The following SCFD1 variants were observed in gnomAD, a reference collection of about 807,000 sequenced individuals.
SCFD1 encodes the protein sec1 family domain-containing protein 1.
In SCFD1, 37 loss-of-function variants were observed where a neutral mutation model predicts 103.2. The observed-to-expected ratio is 0.36, with a 90% CI of 0.28 to 0.47. SCFD1 has a LOEUF of 0.47. Ranked by LOEUF, SCFD1 falls within the 20% of genes least tolerant of loss-of-function variation. The pLI, the probability that SCFD1 is intolerant of heterozygous loss-of-function variation, is 1.00. For missense variants in SCFD1, 639 were observed against 761.2 expected, an observed-to-expected ratio of 0.84 and a Z score of 1.89; for synonymous variants, 264 against 245.0, an observed-to-expected ratio of 1.08 and a Z score of -0.73.
chr14:30,637,296 A>G (rs919397388), intron 4 of SCFD1, among the ~76,000 whole-genome samples: 8 of 152,042 alleles, frequency 5.3e-5, no homozygotes, highest in Non-Finnish European at 8.8e-5. Flanking sequence ...TCTCTTTACA[A>G]ATTTGTAACT....
intron 14 of SCFD1, among the ~76,000 whole-genome samples, chr14:30,678,582 G>C (rs1340085249): frequency 6.6e-6 from 1 of 152,064 alleles, no homozygotes; most frequent in African/African-American, 2.4e-5. Flanking sequence ...TACATAATTT[G>C]TAGACAGCCT....
chr14:30,630,852 CT>C (rs1401304809), intron 3 of SCFD1: 5 of 292,896 alleles, frequency 1.7e-5, no homozygotes, highest in Non-Finnish European at 3.1e-5. Context: ...TGTTTTGTTC[CT>C]TTAATTTAAA....
chr14:30,716,581 G>A (rs73254560), intron 20 of SCFD1, among the ~76,000 whole-genome samples: 5,594 of 152,142 alleles, frequency 0.037, 156 homozygotes, highest in African/African-American at 0.062. Context: ...TGTCACTGTC[G>A]CAACCAAAAG....
intron 20 of SCFD1, 66 bp from the exon 21 acceptor site, chr14:30,719,259 C>A: frequency 9.9e-7 from 1 of 1,007,048 alleles, no homozygotes; most frequent in South Asian, 1.4e-5. Flanking sequence ...ATAGGATACT[C>A]TAAGCCAAAC....
intron 14 of SCFD1, 80 bp downstream of exon 14, chr14:30,675,145 A>G (rs1170651720): frequency 2.4e-5 from 16 of 654,744 alleles, no homozygotes; most frequent in African/African-American, 3.7e-5. Context: ...TTTAGTATTC[A>G]TTATCTTATT....
rs1478293997 is a variant in SCFD1 at position 30,675,081 on chromosome 14, T to C, written c.1242+16T>C. 6.5e-5 allele frequency: 93 copies of C among 1,424,712 alleles called. No homozygotes were observed. The highest frequency in any genetic ancestry group is 2.9e-4 in the East Asian group (12 of 41,782). 88.3% of individuals were successfully genotyped at this position (1,424,712 alleles called of 1,614,324 possible). Reference sequence around the variant, plus strand: ...ACATATAAAGGTAAATTTAACTTTTTCCCCCCCACAATATGACTTGCATTT... The same window carrying C: ...ACATATAAAGGTAAATTTAACTTTTCCCCCCCCACAATATGACTTGCATTT... On this transcript the variant is annotated intron_variant, in intron 14 of 24. Transcript: ENST00000458591.
rs73254576 is a variant in SCFD1 at position 30,729,662 on chromosome 14, C to G, written c.1837-5128C>G. ...CTTTATTGTTTAGGCTTTTCTGGGTCTTTTGCAATTTTTTATGAATTTTAG... is the reference window on the plus strand; with the variant it reads ...CTTTATTGTTTAGGCTTTTCTGGGTGTTTTGCAATTTTTTATGAATTTTAG... On this transcript the variant is annotated intron_variant, in intron 23 of 24. Transcript: ENST00000458591. Among the ~76,000 whole-genome samples the G allele has an allele frequency of 4.1e-3, 626 of 152,258 alleles. 4 individuals are homozygous for G. The highest frequency in any genetic ancestry group is 0.014 in the African/African-American group (586 of 41,554).
At position 30,639,969 on chromosome 14, in the gene SCFD1, C is replaced by T. The variant is rs763659695; in HGVS notation, c.523+105C>T. The T allele has an allele frequency of 1.8e-4, 226 of 1,289,444 alleles. 1 individual carries two copies. The highest frequency in any genetic ancestry group is 2.0e-4 in the Admixed American group (6 of 30,256). 79.9% of individuals were successfully genotyped at this position (1,289,444 alleles called of 1,614,324 possible). On this transcript the variant is annotated intron_variant, in intron 6 of 24. Transcript: ENST00000458591. ...ATGGACTTCAAAACCAGCTTGTTTA[C>T]AGCAGTAGAGCTATAGAAGCTTTTT...
rs761435895 is a variant in SCFD1, at chr14:30,653,770, A to G, written c.855+182A>G. On this transcript the variant is annotated intron_variant, in intron 10 of 24. Transcript: ENST00000458591. ...TGGATGCTGGAAAATGTGAAGCATT[A>G]AAGTTTAGTTTCAAATTTATGATCT... 3.4e-5 allele frequency: 15 copies of G among 442,040 alleles called. No individual in the cohort carries two copies. In the East Asian group the frequency reaches 3.6e-4, roughly 11 times the overall value. 27.4% of individuals were successfully genotyped at this position (442,040 alleles called of 1,614,324 possible).
At chr14:30,655,772 T>A (rs1377726325) in intron 10 of SCFD1, among the ~76,000 whole-genome samples, 1 of 152,134 alleles carries the variant, frequency 6.6e-6, no homozygotes, top group Non-Finnish European at 1.5e-5. Context: ...CGTTGTTGTT[T>A]AGTGGGATGG....
chr14:30,715,086 C>T (rs1311788870), intron 19 of SCFD1, among the ~76,000 whole-genome samples: 2 of 152,168 alleles, frequency 1.3e-5, no homozygotes, highest in Non-Finnish European at 2.9e-5. Context: ...AAACTTGGAA[C>T]TTATCCCAGG....
chr14:30,660,336 A>G lies in SCFD1; in HGVS notation c.855+6748A>G, dbSNP rs142851006. Among the ~76,000 whole-genome samples the G allele has an allele frequency of 1.1e-3, 171 of 152,270 alleles. 1 individual carries two copies. The South Asian group carries it at 0.015, about 14-fold the overall frequency. On this transcript the variant is annotated intron_variant, in intron 10 of 24. Transcript: ENST00000458591. ...TGTGGAAATTGATTAGATCTCATTC[A>G]ATTCTTTGTCAAGGCCACTTTAACT...
chr14:30,671,579 G>T (rs1888544102), intron 11 of SCFD1, among the ~76,000 whole-genome samples: 1 of 152,060 alleles, frequency 6.6e-6, no homozygotes, highest in Non-Finnish European at 1.5e-5. Flanking sequence ...GAGGTCAGTT[G>T]AATAGTAAGA....
chr14:30,635,158 T>G (rs1884595152), intron 4 of SCFD1: 1 of 355,398 alleles, frequency 2.8e-6, no homozygotes, highest in African/African-American at 2.1e-5. Flanking sequence ...GATGCCCAGC[T>G]TTCTCTTTTA....
intron 7 of SCFD1, among the ~76,000 whole-genome samples, chr14:30,645,379 T>C (rs949577808): frequency 3.7e-4 from 57 of 152,310 alleles, no homozygotes; most frequent in Middle Eastern, 3.4e-3. Flanking sequence ...AAAACTGGCA[T>C]TGGTAGTTTG....
At chr14:30,670,814 C>T (rs1191662190) in intron 11 of SCFD1, among the ~76,000 whole-genome samples, 1 of 151,942 alleles carries the variant, frequency 6.6e-6, no homozygotes, top group Non-Finnish European at 1.5e-5. Context: ...AGCCTAAAAG[C>T]CTAGAAATTT....
At chr14:30,643,488 C>T (rs945753325) in intron 7 of SCFD1, 83 bp downstream of exon 7, 54 of 940,676 alleles carry the variant, frequency 5.7e-5, no homozygotes, top group Middle Eastern at 2.2e-4. Context: ...TAATGTGATT[C>T]GTTCTCACTT....
chr14:30,649,108 T>A (rs1203938013), intron 7 of SCFD1, among the ~76,000 whole-genome samples: 1 of 152,218 alleles, frequency 6.6e-6, no homozygotes, highest in East Asian at 1.9e-4. Context: ...TGACTCCCTG[T>A]TGTTTTCTTT....
intron 18 of SCFD1, among the ~76,000 whole-genome samples, chr14:30,706,563 T>C (rs80320024): frequency 0.034 from 5,221 of 152,300 alleles, 122 homozygotes; most frequent in Middle Eastern, 0.061. Context: ...ATAACTAATA[T>C]AGACTTGAAG....
Sources: gnomAD v4.1 joint callset for allele counts (sites outside exome capture counted in the v4.1 genomes callset) on GRCh38, gnomAD v4.1.1 for gene constraint, MANE v1.5 for transcripts, NCBI Gene and HGNC (gene_info 2026-07-23, HGNC 2026-07-21) for gene names.